Variants in RBCK1 observed in about 807,000 individuals in gnomAD.
The protein encoded by RBCK1 is RANBP2-type and C3HC4-type zinc finger containing 1.
RBCK1 carries 44 observed loss-of-function variants against 71.1 expected under a neutral mutation model. That is an observed-to-expected ratio of 0.62 (90% CI 0.49 to 0.80). The LOEUF (loss-of-function observed/expected upper bound fraction) is 0.80. Among genes scored for constraint, RBCK1 ranks in the 30% least tolerant of loss-of-function variants. RBCK1 has a pLI of 0.00. For synonymous variants in RBCK1, 306 were observed against 279.7 expected (o/e 1.09, Z -0.94); for missense variants, 569 against 685.0 (o/e 0.83, Z 1.89).
At chr20:413,251 G>A (rs1451945137) in intron 2 of RBCK1, among the ~76,000 whole-genome samples, 2 of 151,270 alleles carry the variant, frequency 1.3e-5, no homozygotes, top group Non-Finnish European at 2.9e-5. Flanking sequence ...TATTGTTTTG[G>A]TTATTGCAAG....
rs1568567205 is a variant in RBCK1 at position 428,346 on chromosome 20, C to T, written c.1210-145C>T. On this transcript the variant is annotated intron_variant, in intron 9 of 11. Coordinates refer to ENST00000356286, the MANE Select transcript of RBCK1 (RefSeq NM_031229.4). This position sits in a 1 kb window ranked among gnomAD's most constrained non-coding sequence, Gnocchi z 5.7. ...GCCAATATCCTCTTCTGTAAAATGGCTTATGCATTACAAAGTGAGGTCCTG... is the reference window on the plus strand; with the variant it reads ...GCCAATATCCTCTTCTGTAAAATGGTTTATGCATTACAAAGTGAGGTCCTG... 1.8e-6 allele frequency: 1 copy of T among 554,714 alleles called. No individual in the cohort carries two copies. 34.4% of individuals were successfully genotyped at this position (554,714 alleles called of 1,614,324 possible). A position where few individuals can be genotyped will look rare whatever the true frequency, so the allele number is the denominator to read the frequency against.
rs1386336689 is a variant in RBCK1 at position 418,983 on chromosome 20, C to CT, written c.461-356dup. 2.6e-5 allele frequency among the ~76,000 whole-genome samples: 4 copies of CT among 152,084 alleles called. No homozygotes were observed. The South Asian group carries it at 6.2e-4, about 24-fold the overall frequency. On this transcript the variant is annotated intron_variant, in intron 4 of 11. Transcript: ENST00000356286. ...CCTTTCAAAGAGTCCAGGCCAGTTTCTTTTTTTTGGCGGGGGTTGGGGGCT... is the reference window on the plus strand; with the variant it reads ...CCTTTCAAAGAGTCCAGGCCAGTTTCTTTTTTTTTGGCGGGGGTTGGGGGCT...
chr20:419,537 C>T (rs746636151), intron 5 of RBCK1, 21 bp from the exon 6 acceptor site: 2 of 1,606,758 alleles, frequency 1.2e-6, no homozygotes, highest in Middle Eastern at 1.7e-4. Context: ...CAGTCGGGCT[C>T]ACAGCACCCT....
intron 8 of RBCK1, among the ~76,000 whole-genome samples, chr20:426,303 C>T (rs937114310): frequency 6.8e-6 from 1 of 146,718 alleles, no homozygotes; most frequent in Non-Finnish European, 1.5e-5. Flanking sequence ...CTAGGTCTTA[C>T]TCTATTTTTT....
At chr20:416,079 C>T (rs910473305) in intron 2 of RBCK1, among the ~76,000 whole-genome samples, 25 of 151,880 alleles carry the variant, frequency 1.6e-4, no homozygotes, top group Non-Finnish European at 4.4e-5. Context: ...CCCAGACTAT[C>T]ATGGTGTCAT....
chr20:409,731 TTTAG>T, intron 1 of RBCK1, 146 bp from the exon 2 acceptor site: 1 of 1,221,294 alleles, frequency 8.2e-7, no homozygotes, highest in Non-Finnish European at 1.1e-6. Flanking sequence ...GAAAGGGACT[TTTAG>T]TCTGGGTGCT....
chr20:410,820 AT>A, intron 2 of RBCK1: 2 of 371,110 alleles, frequency 5.4e-6, no homozygotes, highest in Admixed American at 4.1e-5. Context: ...ATGGTTTCTG[AT>A]TTTTGGTTCT....
In RBCK1 at chr20:423,074, T is replaced by C. The variant is rs191485435; in HGVS notation, c.1029+836T>C. On this transcript the variant is annotated intron_variant, in intron 8 of 11. Transcript: ENST00000356286. Reference sequence around the variant, plus strand: ...CAGCGCTTTGGGAGGCCAAGGCGGGTGGATCACCTGAGGTCGGGAATTCGA... The same window carrying C: ...CAGCGCTTTGGGAGGCCAAGGCGGGCGGATCACCTGAGGTCGGGAATTCGA... Among the ~76,000 whole-genome samples the C allele has an allele frequency of 2.4e-3, 368 of 152,008 alleles. 2 individuals carry two copies. The highest frequency in any genetic ancestry group is 8.4e-3 in the African/African-American group (348 of 41,436).
rs759020970 is a variant in RBCK1, at chr20:410,575, C to T, written c.167+550C>T. ...GGACCAGAACTGATTCCCACAGCTACAGTTCAGCTTGAGGGGAGACTGTAT... is the reference window on the plus strand; with the variant it reads ...GGACCAGAACTGATTCCCACAGCTATAGTTCAGCTTGAGGGGAGACTGTAT... On this transcript the variant is annotated intron_variant, in intron 2 of 11. Transcript: ENST00000356286. 5 of 779,646 alleles carry T rather than the reference C, an allele frequency of 6.4e-6. No individual in the cohort carries two copies. The Admixed American group carries it at 8.5e-5, about 13-fold the overall frequency. The allele number at this position is 779,646 out of a possible 1,614,324, so 48.3% of individuals were successfully genotyped here. A position where few individuals can be genotyped will look rare whatever the true frequency, so the allele number is the denominator to read the frequency against.
chr20:411,363 C>T (rs1020685758), intron 2 of RBCK1, among the ~76,000 whole-genome samples: 1 of 152,020 alleles, frequency 6.6e-6, no homozygotes, highest in African/African-American at 2.4e-5. Context: ...ACCACCACAC[C>T]CGGCTAATTT....
At chr20:425,383 C>T (rs2016655798) in intron 8 of RBCK1, among the ~76,000 whole-genome samples, 1 of 152,162 alleles carries the variant, frequency 6.6e-6, no homozygotes, top group African/African-American at 2.4e-5. Context: ...TGTAAGTATG[C>T]AGTCAGGTAA....
At position 430,311 on chromosome 20, in the gene RBCK1, A is replaced by G. The variant is rs199918172; in HGVS notation, c.1453-39A>G. The G allele has an allele frequency of 1.5e-4, 230 of 1,544,188 alleles. No homozygotes were observed. In the African/African-American group the frequency reaches 2.8e-3, roughly 19 times the overall value. Reference sequence around the variant, plus strand: ...GCTCGGCTGTGGGGGCAGTCTCTGCACTGCGCTGACATTCTCTTCTCTTCC... The same window carrying G: ...GCTCGGCTGTGGGGGCAGTCTCTGCGCTGCGCTGACATTCTCTTCTCTTCC... On this transcript the variant is annotated intron_variant, in intron 11 of 11. Coordinates refer to ENST00000356286, the MANE Select transcript of RBCK1 (RefSeq NM_031229.4). This position sits in a 1 kb window ranked among gnomAD's most constrained non-coding sequence, Gnocchi z 5.6.
chr20:408,443 G>T lies in RBCK1; in HGVS notation c.-315G>T. The T allele has an allele frequency of 2.0e-6, 1 of 501,484 alleles. No homozygotes were observed. The highest frequency in any genetic ancestry group is 3.5e-6 in the Non-Finnish European group (1 of 283,042). The allele number at this position is 501,484 out of a possible 1,614,324, so 31.1% of individuals were successfully genotyped here. A position where few individuals can be genotyped will look rare whatever the true frequency, so the allele number is the denominator to read the frequency against. On this transcript the variant is annotated 5_prime_UTR_variant, in exon 1 of 12. Transcript: ENST00000356286. The stretch of plus-strand genomic sequence containing the variant: ...CTCCGGGACTTGGAACGCCCCGGCT[G>T]GGTGGTGTCCGGGCGTCCTTTCCCC...
At chr20:426,373 T>TA (rs1190596253) in intron 8 of RBCK1, among the ~76,000 whole-genome samples, 4 of 152,230 alleles carry the variant, frequency 2.6e-5, no homozygotes, top group African/African-American at 9.6e-5. Context: ...CAGCCTCTGG[T>TA]AAGCATCCTT....
intron 8 of RBCK1, among the ~76,000 whole-genome samples, chr20:424,710 C>G (rs1387920011): frequency 6.6e-6 from 1 of 152,140 alleles, no homozygotes; most frequent in Non-Finnish European, 1.5e-5. Flanking sequence ...TAGAGGTTTC[C>G]CTGTGGAGTC....
In RBCK1 at chr20:408,318, C is replaced by T. The variant is rs2015486807; in HGVS notation, c.-440C>T. 1 of 193,714 alleles carries T rather than the reference C, an allele frequency of 5.2e-6. No homozygotes were observed. The highest frequency in any genetic ancestry group is 1.1e-5 in the Non-Finnish European group (1 of 93,800). 12.0% of individuals were successfully genotyped at this position (193,714 alleles called of 1,614,324 possible). On this transcript the variant is annotated 5_prime_UTR_variant, in exon 1 of 12. Transcript: ENST00000356286. ...GCCGCCACTTTCACTTTCTCTTCCG[C>T]CGAAGCCGCTCCCCTTGCGAAGAAC...
At chr20:418,408 G>C (rs577067705) in intron 4 of RBCK1, among the ~76,000 whole-genome samples, 2 of 151,496 alleles carry the variant, frequency 1.3e-5, no homozygotes, top group South Asian at 2.1e-4. Context: ...TCGCTCTGTC[G>C]CCCAGGCTGG....
rs2016489112 is a variant in RBCK1 at position 422,350 on chromosome 20, T to A, written c.1029+112T>A. 2.4e-6 allele frequency: 2 copies of A among 824,908 alleles called. No individual in the cohort carries two copies. The highest frequency in any genetic ancestry group is 3.9e-6 in the Non-Finnish European group (2 of 508,616). The allele number at this position is 824,908 out of a possible 1,614,324, so 51.1% of individuals were successfully genotyped here. A position where few individuals can be genotyped will look rare whatever the true frequency, so the allele number is the denominator to read the frequency against. On this transcript the variant is annotated intron_variant, in intron 8 of 11. Transcript: ENST00000356286. This position sits in a 1 kb window ranked among gnomAD's most constrained non-coding sequence, Gnocchi z 5.0. ...TTCTTTTTTTTTTTTGGAGATGGGG[T>A]CTCACTATGTTGTCCAAGCTGGTCT...
At chr20:418,153 C>T (rs6051879) in intron 4 of RBCK1, among the ~76,000 whole-genome samples, 1 of 152,156 alleles carries the variant, frequency 6.6e-6, no homozygotes, top group Non-Finnish European at 1.5e-5. Flanking sequence ...GTCCAGGCTC[C>T]GGCATTCCCA....
Sources: allele counts gnomAD v4.1 joint callset (sites outside exome capture counted in the v4.1 genomes callset), GRCh38; gene constraint gnomAD v4.1.1; non-coding constraint Gnocchi (gnomAD v3.1); transcripts MANE v1.5; gene names NCBI Gene and HGNC (gene_info 2026-07-23, HGNC 2026-07-21).